AGXT2: variants seen among roughly 807,000 people sequenced by gnomAD.
AGXT2 encodes the protein alanine--glyoxylate aminotransferase 2, mitochondrial.
AGXT2 carries 61 observed loss-of-function variants against 62.5 expected under a neutral mutation model. That is an observed-to-expected ratio of 0.98 (90% CI 0.79 to 1.21). The LOEUF is 1.21. AGXT2 is among the 50% of genes most tolerant of loss of function. The pLI, the probability that AGXT2 is intolerant of heterozygous loss-of-function variation, is 0.00. For missense variants in AGXT2, 666 were observed against 641.5 expected (o/e 1.04, Z -0.41); for synonymous variants, 243 against 218.7 (o/e 1.11, Z -0.98).
chr5:35,041,290 T>C (rs564222845), intron 1 of AGXT2, among the ~76,000 whole-genome samples: 1 of 143,800 alleles, frequency 7.0e-6, no homozygotes, highest in Non-Finnish European at 1.5e-5. Context: ...CTGAACCAGA[T>C]TCATTAAATA....
intron 5 of AGXT2, among the ~76,000 whole-genome samples, chr5:35,034,153 A>G (rs1290904848): frequency 6.6e-6 from 1 of 152,024 alleles, no homozygotes; most frequent in Non-Finnish European, 1.5e-5. Context: ...ATTCAAAAGA[A>G]TGGTTGTATT....
intron 5 of AGXT2, 32 bp from the exon 6 acceptor site, chr5:35,033,585 C>A (rs1234921452): frequency 1.3e-6 from 2 of 1,570,940 alleles, no homozygotes; most frequent in African/African-American, 1.3e-5. Flanking sequence ...AGGATGGGGT[C>A]AAGTTCCTGG....
intron 12 of AGXT2, among the ~76,000 whole-genome samples, chr5:35,008,002 C>T (rs1189923965): frequency 6.6e-6 from 1 of 152,060 alleles, no homozygotes; most frequent in East Asian, 1.9e-4. Context: ...TATGCCAGCG[C>T]CTCTTCCCCT....
chr5:35,046,352 A>G lies in AGXT2; in HGVS notation c.88+1453T>C, dbSNP rs74748140. On this transcript the variant is annotated intron_variant, in intron 1 of 13. Transcript: ENST00000231420. Reference sequence around the variant, plus strand: ...TATAATTTTACCTGCTTCTGAGAAAATGTTGGAGTTAGGTGATGTTCTGGC... The same window carrying G: ...TATAATTTTACCTGCTTCTGAGAAAGTGTTGGAGTTAGGTGATGTTCTGGC... 1.4e-3 allele frequency among the ~76,000 whole-genome samples: 212 copies of G among 152,290 alleles called. 5 individuals are homozygous for G. The East Asian group carries it at 0.029, about 21-fold the overall frequency.
chr5:35,039,563 A>T, intron 2 of AGXT2, 55 bp from the exon 3 acceptor site: 2 of 1,572,804 alleles, frequency 1.3e-6, no homozygotes, highest in Non-Finnish European at 1.7e-6. Context: ...AATAGCAGTC[A>T]ATCTATGAGT....
intron 7 of AGXT2, among the ~76,000 whole-genome samples, chr5:35,029,028 C>T (rs371520820): frequency 6.6e-6 from 1 of 152,112 alleles, no homozygotes; most frequent in South Asian, 2.1e-4. Context: ...ATGTGATATT[C>T]GGAAAAGTTT....
intron 1 of AGXT2, among the ~76,000 whole-genome samples, chr5:35,044,229 G>A (rs533193944): frequency 6.6e-6 from 1 of 152,322 alleles, no homozygotes; most frequent in Admixed American, 6.5e-5. Flanking sequence ...GCCTGCTGAA[G>A]CTGTGTTGGG....
intron 10 of AGXT2, 49 bp downstream of exon 10, chr5:35,013,938 C>T (rs1766743933): frequency 6.2e-7 from 1 of 1,613,180 alleles, no homozygotes; most frequent in African/African-American, 1.3e-5. Flanking sequence ...TATACCATAG[C>T]CCAATGTACG....
At chr5:35,021,543 C>A (rs1286252302) in intron 9 of AGXT2, among the ~76,000 whole-genome samples, 1 of 149,908 alleles carries the variant, frequency 6.7e-6, no homozygotes, top group Non-Finnish European at 1.5e-5. Flanking sequence ...AAACTGGATC[C>A]CTTCCTTACA....
rs768909586 is a variant in AGXT2, at chr5:35,036,977, C to G, written c.451G>C (p.Glu151Gln). The part of the protein sequence containing the change: ...FFHPPMHEYA[E>Q]KLAALLPEPL... ...TCAGGAAGAAGTGCGGCAAGCTTCT[C>G]TGCATATTCATGCATTGGAGGGTGG... The change falls in exon 4 of 14, where the codon GAG (glutamate) becomes CAG (glutamine). Residue 151 changes from glutamate (E) to glutamine (Q), a missense_variant. Glu to Gln is a conservative substitution (Grantham distance 29, BLOSUM62 2). Coordinates refer to ENST00000231420, the MANE Select transcript of AGXT2 (RefSeq NM_031900.4). The G allele has an allele frequency of 1.2e-6, 2 of 1,614,158 alleles. No homozygotes were observed. The highest frequency in any genetic ancestry group is 8.5e-7 in the Non-Finnish European group (1 of 1,180,012).
chr5:35,039,581 C>A (rs1767906218), intron 2 of AGXT2, 73 bp from the exon 3 acceptor site: 10 of 1,512,292 alleles, frequency 6.6e-6, no homozygotes, highest in Non-Finnish European at 8.2e-6. Context: ...AGTAACAGAG[C>A]CCAGGCTCTC....
rs1391586896 is a variant in AGXT2, at chr5:34,998,706, AT to A, written c.*12del. On this transcript the variant is annotated 3_prime_UTR_variant, in exon 14 of 14. Coordinates refer to ENST00000231420, the MANE Select transcript of AGXT2 (RefSeq NM_031900.4). Reference sequence around the variant, plus strand: ...ATTCTTGAGACTTGTGGTTTTATTTATTTCTGACAATGTTACTTAGCTCTTC... The same window carrying A: ...ATTCTTGAGACTTGTGGTTTTATTTATTCTGACAATGTTACTTAGCTCTTC... The A allele has an allele frequency of 6.2e-7, 1 of 1,600,264 alleles. No homozygotes were observed. Among genetic ancestry groups the A allele is most frequent in the Non-Finnish European group, 8.6e-7 (1 of 1,168,046 alleles).
intron 1 of AGXT2, among the ~76,000 whole-genome samples, chr5:35,042,772 G>GTT (rs1768034208): frequency 6.7e-6 from 1 of 148,200 alleles, no homozygotes; most frequent in Admixed American, 6.7e-5. Context: ...GTGTGTGTGT[G>GTT]TAAGAGATGG....
Position 35,032,985 on chromosome 5 carries a change from A to T in AGXT2, c.676-160T>A, listed in dbSNP as rs573410509. The stretch of plus-strand genomic sequence containing the variant: ...TTGAAGGATCTGCTTTGAAGAGATA[A>T]TTTTTTCTTAGAAATCAGCTATGTG... On this transcript the variant is annotated intron_variant, in intron 6 of 13. Transcript: ENST00000231420. 125 of 682,444 alleles carry T rather than the reference A, an allele frequency of 1.8e-4. No individual in the cohort carries two copies. The African/African-American group carries it at 2.0e-3, about 11-fold the overall frequency. The allele number at this position is 682,444 out of a possible 1,614,324, so 42.3% of individuals were successfully genotyped here.
chr5:35,035,138 A>T, intron 5 of AGXT2, 84 bp downstream of exon 5: 2 of 1,192,868 alleles, frequency 1.7e-6, no homozygotes, highest in Admixed American at 1.7e-5. Context: ...CCTCTCTCCC[A>T]CTCCATGCTA....
At chr5:35,017,439 T>TG (rs968565795) in intron 9 of AGXT2, among the ~76,000 whole-genome samples, 6 of 152,212 alleles carry the variant, frequency 3.9e-5, no homozygotes, top group Admixed American at 2.0e-4. Context: ...AATTGAATCA[T>TG]GGGGGTGGTT....
rs112363917 is a variant in AGXT2 at position 35,040,994 on chromosome 5, C to T, written c.89-331G>A. Among the ~76,000 whole-genome samples the T allele has an allele frequency of 1.7e-4, 26 of 152,076 alleles. 1 individual carries two copies. Among genetic ancestry groups the T allele is most frequent in the African/African-American group, 4.3e-4 (18 of 41,500 alleles). ...AGGCAAAACTTCTGCTAGTGCAATG[C>T]GTTGTTGGAGTCCATCCCCTGTTAA... On this transcript the variant is annotated intron_variant, in intron 1 of 13. Transcript: ENST00000231420.
chr5:35,010,640 G>A (rs1357393098), intron 11 of AGXT2, among the ~76,000 whole-genome samples: 9 of 152,066 alleles, frequency 5.9e-5, no homozygotes, highest in Middle Eastern at 3.2e-3. Context: ...AGCCAAGATC[G>A]CGCCACTGCA....
intron 7 of AGXT2, among the ~76,000 whole-genome samples, chr5:35,028,658 A>G (rs1767457948): frequency 2.0e-5 from 3 of 150,644 alleles, no homozygotes; most frequent in African/African-American, 7.3e-5. Context: ...TCCCAGGTCA[A>G]CTGTATCCAT....
Sources: gnomAD v4.1 joint callset for allele counts (sites outside exome capture counted in the v4.1 genomes callset) on GRCh38, gnomAD v4.1.1 for gene constraint, MANE v1.5 for transcripts, NCBI Gene and HGNC (gene_info 2026-07-23, HGNC 2026-07-21) for gene names.